Variants in PCSK5 observed in about 807,000 individuals in gnomAD.
The protein encoded by PCSK5 is proprotein convertase subtilisin/kexin type 5, also known as prohormone convertase 5.
Under a neutral mutation model 233.2 loss-of-function variants are expected in PCSK5, and 129 were observed. That is an observed-to-expected ratio of 0.55 (90% CI 0.48 to 0.64). PCSK5 has a LOEUF of 0.64. Among genes scored for constraint, PCSK5 ranks in the 30% least tolerant of loss-of-function variants. The pLI is 0.00. For missense variants in PCSK5, 2,076 were observed against 2,430.1 expected, an observed-to-expected ratio of 0.85 and a Z score of 3.06; for synonymous variants, 825 against 879.2, an observed-to-expected ratio of 0.94 and a Z score of 1.09.
chr9:76,006,876 A>G (rs79308338), intron 3 of PCSK5, among the ~76,000 whole-genome samples: 2,210 of 152,192 alleles, frequency 0.015, 46 homozygotes, highest in African/African-American at 0.049. Context: ...CCCTTTATTT[A>G]TGTATTTTTT....
chr9:76,290,600 T>C (rs1242045577), intron 24 of PCSK5, among the ~76,000 whole-genome samples: 1 of 152,212 alleles, frequency 6.6e-6, no homozygotes, highest in African/African-American at 2.4e-5. Flanking sequence ...GACAGTTCTT[T>C]TCCTAAGAGG....
chr9:76,218,755 G>A (rs188339070), intron 20 of PCSK5, among the ~76,000 whole-genome samples: 2 of 149,498 alleles, frequency 1.3e-5, no homozygotes, highest in Non-Finnish European at 3.0e-5. Flanking sequence ...AGAAGGAAGG[G>A]ACCCAAAAAT....
At chr9:76,136,218 A>T (rs1184735870) in intron 10 of PCSK5, among the ~76,000 whole-genome samples, 4 of 151,680 alleles carry the variant, frequency 2.6e-5, no homozygotes, top group Non-Finnish European at 5.9e-5. Context: ...TCATAATAAG[A>T]TGACTTAAGA....
At chr9:76,193,142 C>A in intron 20 of PCSK5, 1 of 1,069,056 alleles carries the variant, frequency 9.4e-7, no homozygotes, top group South Asian at 1.6e-5. Flanking sequence ...TTCCCCAAAT[C>A]TGCCTCTCTG....
intron 1 of PCSK5, among the ~76,000 whole-genome samples, chr9:75,921,062 G>A (rs1212117055): frequency 6.6e-6 from 1 of 151,950 alleles, no homozygotes; most frequent in African/African-American, 2.4e-5. Context: ...TTTCATTTAA[G>A]CTTATTTTAA....
intron 1 of PCSK5, among the ~76,000 whole-genome samples, chr9:75,906,368 G>C (rs1221262966): frequency 6.6e-6 from 1 of 152,128 alleles, no homozygotes. Context: ...TGAGATTACA[G>C]GTGTCTGTCA....
intron 24 of PCSK5, among the ~76,000 whole-genome samples, chr9:76,251,026 G>C (rs904300154): frequency 3.9e-5 from 6 of 152,212 alleles, no homozygotes; most frequent in African/African-American, 1.4e-4. Context: ...CCAACACTTT[G>C]GGAGGCCAAG....
chr9:76,115,201 A>G (rs1008008098), intron 9 of PCSK5, among the ~76,000 whole-genome samples: 1 of 152,090 alleles, frequency 6.6e-6, no homozygotes, highest in Non-Finnish European at 1.5e-5. Context: ...CTCTGGGCCT[A>G]CAGATTTTGC....
chr9:75,987,580 G>A (rs971324061), intron 3 of PCSK5, among the ~76,000 whole-genome samples: 2 of 152,058 alleles, frequency 1.3e-5, no homozygotes, highest in African/African-American at 2.4e-5. Context: ...GTCTTACCCA[G>A]AAATGAAAGG....
rs142663234 is a variant in PCSK5, at chr9:76,314,125, A to G, written c.3884+3274A>G. Among the ~76,000 whole-genome samples the G allele has an allele frequency of 1.5e-3, 227 of 152,332 alleles. 1 individual carries two copies. Among genetic ancestry groups the G allele is most frequent in the African/African-American group, 4.9e-3 (205 of 41,582 alleles). On this transcript the variant is annotated intron_variant, in intron 30 of 37. Coordinates refer to ENST00000674117, the MANE Select transcript of PCSK5 (RefSeq NM_001372043.1). ...GACAACACATTAAAACAAGGAAGAA[A>G]GAGATGCATTTTGCTTTACTCAAGT...
chr9:75,945,448 C>A (rs1390565434), intron 2 of PCSK5, among the ~76,000 whole-genome samples: 1 of 152,158 alleles, frequency 6.6e-6, no homozygotes, highest in Admixed American at 6.5e-5. Context: ...CTTTCTCCCC[C>A]TGCACTGCCA....
chr9:76,102,610 T>C (rs537531849), intron 8 of PCSK5, among the ~76,000 whole-genome samples: 1 of 152,310 alleles, frequency 6.6e-6, no homozygotes, highest in Admixed American at 6.5e-5. Flanking sequence ...CTGCAAAAAT[T>C]TGAAATCTAA....
chr9:75,942,199 G>A (rs757894721), intron 2 of PCSK5, among the ~76,000 whole-genome samples: 5 of 152,172 alleles, frequency 3.3e-5, no homozygotes, highest in Admixed American at 6.5e-5. Context: ...GAGCTGGCTC[G>A]GTGTTGCCAA....
chr9:76,349,340 TAGG>T (rs1326480106), intron 35 of PCSK5, among the ~76,000 whole-genome samples: 1 of 138,834 alleles, frequency 7.2e-6, no homozygotes, highest in South Asian at 2.3e-4. Context: ...AGAATGGAAA[TAGG>T]AGAAGATTGA....
intron 35 of PCSK5, among the ~76,000 whole-genome samples, chr9:76,349,539 T>C (rs1205102540): frequency 6.6e-6 from 1 of 152,152 alleles, no homozygotes; most frequent in African/African-American, 2.4e-5. Flanking sequence ...AATTTATTTT[T>C]CCACAGAAAC....
chr9:76,118,931 T>C (rs1465442523), intron 9 of PCSK5, among the ~76,000 whole-genome samples: 1 of 152,072 alleles, frequency 6.6e-6, no homozygotes, highest in Non-Finnish European at 1.5e-5. Flanking sequence ...TTTGCTTTCC[T>C]TTCAGATCAT....
intron 31 of PCSK5, 27 bp from the exon 32 acceptor site, chr9:76,323,025 T>A (rs762191075): frequency 4.6e-6 from 6 of 1,299,202 alleles, no homozygotes; most frequent in Non-Finnish European, 6.6e-6. Flanking sequence ...CCCCCGGGGA[T>A]AACTTGCTGC....
intron 2 of PCSK5, among the ~76,000 whole-genome samples, chr9:75,952,925 T>A: frequency 6.6e-6 from 1 of 152,202 alleles, no homozygotes; most frequent in East Asian, 1.9e-4. Flanking sequence ...AACTTTAATC[T>A]ATTACCATAT....
At chr9:76,192,983 C>T (rs977416258) in intron 20 of PCSK5, among the ~76,000 whole-genome samples, 10 of 147,414 alleles carry the variant, frequency 6.8e-5, no homozygotes, top group Non-Finnish European at 4.5e-5. Context: ...TTTTTCTAAT[C>T]TTTTTTTTTT....
Sources: gnomAD v4.1 joint callset for allele counts (sites outside exome capture counted in the v4.1 genomes callset) on GRCh38, gnomAD v4.1.1 for gene constraint, MANE v1.5 for transcripts, NCBI Gene and HGNC (gene_info 2026-07-23, HGNC 2026-07-21) for gene names.